Variants in PLD1 observed in about 807,000 individuals in gnomAD.
PLD1 encodes choline phosphatase 1.
Under a neutral mutation model 137.1 loss-of-function variants are expected in PLD1, and 112 were observed. That is an observed-to-expected ratio of 0.82 (90% CI 0.70 to 0.96). The LOEUF (loss-of-function observed/expected upper bound fraction) is 0.96. PLD1 is among the 40% of genes least tolerant of loss of function. The probability of loss-of-function intolerance (pLI) is 0.00; values close to 1 mark genes in which losing one functional copy is unlikely to be tolerated. For missense variants in PLD1, 1,321 were observed against 1,342.0 expected, an observed-to-expected ratio of 0.98 and a Z score of 0.24; for synonymous variants, 431 against 454.7, an observed-to-expected ratio of 0.95 and a Z score of 0.66.
chr3:171,606,102 G>A (rs764059705), intron 25 of PLD1, among the ~76,000 whole-genome samples: 3 of 152,212 alleles, frequency 2.0e-5, no homozygotes, highest in Admixed American at 6.5e-5. Context: ...AGGTATGATG[G>A]TGGCTTGGGC....
intron 1 of PLD1, among the ~76,000 whole-genome samples, chr3:171,805,290 T>C (rs2108361722): frequency 6.6e-6 from 1 of 152,204 alleles, no homozygotes; most frequent in African/African-American, 2.4e-5. Context: ...GAGCTGAGGG[T>C]CACGGGCATT....
intron 1 of PLD1, among the ~76,000 whole-genome samples, chr3:171,777,389 C>G (rs1013233512): frequency 3.3e-5 from 5 of 152,146 alleles, no homozygotes; most frequent in African/African-American, 7.2e-5. Context: ...GAGCTGCTTG[C>G]GTGTAAGGGA....
intron 25 of PLD1, among the ~76,000 whole-genome samples, chr3:171,607,562 T>G (rs1560139073): frequency 6.6e-6 from 1 of 152,174 alleles, no homozygotes; most frequent in Non-Finnish European, 1.5e-5. Flanking sequence ...TATGAAGTAC[T>G]CTGGATGTTC....
In PLD1 at chr3:171,612,275, TGACCTAAA is replaced by T; in HGVS notation, c.2878_2882+3del. ...ATCAGAGAGACACACTTTGGCGGACTGACCTAAAGCACTGTAGCCGAAGTCCTCGGGCA... is the reference window on the plus strand; with the variant it reads ...ATCAGAGAGACACACTTTGGCGGACTGCACTGTAGCCGAAGTCCTCGGGCA... On this transcript the variant is annotated splice_donor_variant and splice_donor_region_variant and coding_sequence_variant and intron_variant, in exon 25 of 27. Transcript: ENST00000351298. LOFTEE classifies it high-confidence loss of function. The surrounding 1 kb of genome is among the most constrained non-coding windows in gnomAD (Gnocchi z 4.1). 2 of 1,613,500 alleles carry T rather than the reference TGACCTAAA, an allele frequency of 1.2e-6. No homozygotes were observed. The highest frequency in any genetic ancestry group is 1.7e-6 in the Non-Finnish European group (2 of 1,179,544).
At chr3:171,704,808 T>C (rs1300054190) in intron 11 of PLD1, among the ~76,000 whole-genome samples, 1 of 152,112 alleles carries the variant, frequency 6.6e-6, no homozygotes, top group Admixed American at 6.5e-5. Context: ...AGAAACCGGA[T>C]TCATGGAAGA....
intron 16 of PLD1, among the ~76,000 whole-genome samples, chr3:171,683,865 CTA>C (rs1461445512): frequency 6.6e-6 from 1 of 152,176 alleles, no homozygotes; most frequent in Non-Finnish European, 1.5e-5. Context: ...AATAAATCTT[CTA>C]TGTTTATTTT....
intron 1 of PLD1, among the ~76,000 whole-genome samples, chr3:171,796,097 T>G (rs907560149): frequency 4.6e-5 from 7 of 152,210 alleles, no homozygotes; most frequent in Non-Finnish European, 1.0e-4. Flanking sequence ...ACCCAATGAT[T>G]CAATCCAGTT....
At chr3:171,667,896 C>CCCATG (rs1282341118) in intron 19 of PLD1, among the ~76,000 whole-genome samples, 10 of 152,166 alleles carry the variant, frequency 6.6e-5, no homozygotes, top group Admixed American at 6.5e-5. Context: ...GGACTACAGG[C>CCCATG]CCATGCCACC....
intron 1 of PLD1, among the ~76,000 whole-genome samples, chr3:171,747,465 CCTCT>C (rs1190913830): frequency 6.7e-6 from 1 of 148,560 alleles, no homozygotes; most frequent in Non-Finnish European, 1.5e-5. Context: ...CTCTTCTCTT[CCTCT>C]CTTTTTTTTT....
rs1006077499 is a variant in PLD1 at position 171,638,520 on chromosome 3, AT to A, written c.2593+4319del. Among the ~76,000 whole-genome samples, 8 of 152,232 alleles carry A rather than the reference AT, an allele frequency of 5.3e-5. No individual in the cohort carries two copies. In the Middle Eastern group the frequency reaches 0.01, roughly 194 times the overall value. ...ATAACTGTATTCCTTTCTCCTATCTATTTTTGGGGAAAAGTATGTGAAGAAT... is the reference window on the plus strand; with the variant it reads ...ATAACTGTATTCCTTTCTCCTATCTATTTTGGGGAAAAGTATGTGAAGAAT... On this transcript the variant is annotated intron_variant, in intron 23 of 26. Transcript: ENST00000351298.
chr3:171,615,794 T>C (rs1733054245), intron 24 of PLD1, among the ~76,000 whole-genome samples: 1 of 152,230 alleles, frequency 6.6e-6, no homozygotes, highest in Admixed American at 6.5e-5. Context: ...CTTCCAGAGT[T>C]TTGCTGTGAT....
chr3:171,703,394 C>G (rs1363088857), intron 11 of PLD1, among the ~76,000 whole-genome samples: 1 of 152,154 alleles, frequency 6.6e-6, no homozygotes, highest in Non-Finnish European at 1.5e-5. Context: ...AGAAGTAAAA[C>G]TGTCTTTATT....
chr3:171,785,918 A>T (rs1256295831), intron 1 of PLD1, among the ~76,000 whole-genome samples: 1 of 152,236 alleles, frequency 6.6e-6, no homozygotes, highest in African/African-American at 2.4e-5. Context: ...ATTCAATGGG[A>T]TTAAATGCAA....
chr3:171,721,324 G>A (rs1718110361), intron 8 of PLD1: 1 of 152,538 alleles, frequency 6.6e-6, no homozygotes, highest in South Asian at 2.1e-4. Context: ...GAAAGAGCAA[G>A]GAAGGAAGCC....
intron 12 of PLD1, among the ~76,000 whole-genome samples, chr3:171,695,511 A>G (rs1715601628): frequency 6.6e-6 from 1 of 152,194 alleles, no homozygotes; most frequent in Non-Finnish European, 1.5e-5. Context: ...CTCTTTTCTA[A>G]TTAGTTTTTT....
At chr3:171,608,085 G>T (rs1732349679) in intron 25 of PLD1, among the ~76,000 whole-genome samples, 1 of 152,126 alleles carries the variant, frequency 6.6e-6, no homozygotes, top group African/African-American at 2.4e-5. Flanking sequence ...GTTTGCCATT[G>T]GGGCAAAGTG....
At chr3:171,748,060 G>C (rs59505200) in intron 1 of PLD1, among the ~76,000 whole-genome samples, 1 of 152,052 alleles carries the variant, frequency 6.6e-6, no homozygotes, top group African/African-American at 2.4e-5. Flanking sequence ...CATATTCTAA[G>C]TGACATCACC....
At chr3:171,627,764 G>C (rs1560158443) in intron 23 of PLD1, among the ~76,000 whole-genome samples, 2 of 152,114 alleles carry the variant, frequency 1.3e-5, no homozygotes, top group Admixed American at 1.3e-4. Context: ...ATGACTACTG[G>C]GTACATAACG....
chr3:171,794,409 C>G (rs1723346364), intron 1 of PLD1, among the ~76,000 whole-genome samples: 1 of 152,086 alleles, frequency 6.6e-6, no homozygotes, highest in African/African-American at 2.4e-5. Flanking sequence ...GGGCATATCC[C>G]CCTTGGATGA....
Sources: gnomAD v4.1 joint callset for allele counts (sites outside exome capture counted in the v4.1 genomes callset) on GRCh38, gnomAD v4.1.1 for gene constraint, Gnocchi (gnomAD v3.1) non-coding constraint, MANE v1.5 for transcripts, NCBI Gene and HGNC (gene_info 2026-07-23, HGNC 2026-07-21) for gene names.